Variants in COG5 observed in about 807,000 individuals in gnomAD.
The protein encoded by COG5 is component of oligomeric golgi complex 5.
In COG5, 86 loss-of-function variants were observed where a neutral mutation model predicts 110.4. That is an observed-to-expected ratio of 0.78 (90% confidence interval 0.65 to 0.93). COG5 has a LOEUF of 0.93. Among genes scored for constraint, COG5 ranks in the 40% least tolerant of loss-of-function variants. The pLI is 0.00. For missense variants in COG5, 1,077 were observed against 987.0 expected (o/e 1.09, Z -1.22); for synonymous variants, 360 against 334.6 (o/e 1.08, Z -0.83).
chr7:107,472,317 C>CA (rs1796682031), intron 6 of COG5: 1 of 151,700 alleles, frequency 6.6e-6, no homozygotes, highest in Admixed American at 6.6e-5. Flanking sequence ...AAATTCATGT[C>CA]AAAATCTGTC....
intron 17 of COG5, among the ~76,000 whole-genome samples, chr7:107,242,632 T>C (rs1801732818): frequency 6.6e-6 from 1 of 152,174 alleles, no homozygotes; most frequent in Non-Finnish European, 1.5e-5. Context: ...AGACCCTAAG[T>C]ACCTTATCCA....
chr7:107,412,738 T>C (rs1792402842), intron 6 of COG5, 106 bp from the exon 7 acceptor site: 1 of 719,512 alleles, frequency 1.4e-6, no homozygotes, highest in Admixed American at 2.9e-5. Context: ...AAAACGCTAT[T>C]AAACAGGGTT....
intron 12 of COG5, 69 bp downstream of exon 12, chr7:107,298,073 T>C (rs905128908): frequency 1.7e-5 from 12 of 692,934 alleles, no homozygotes; most frequent in African/African-American, 1.5e-4. Context: ...AAAATAAAAA[T>C]AAAAGATAAA....
intron 6 of COG5, among the ~76,000 whole-genome samples, chr7:107,493,931 GA>G (rs1207237179): frequency 6.6e-6 from 1 of 151,980 alleles, no homozygotes; most frequent in African/African-American, 2.4e-5. Flanking sequence ...TAAATAGCTA[GA>G]AAAATAATAA....
At chr7:107,242,510 G>C (rs1359394183) in intron 17 of COG5, among the ~76,000 whole-genome samples, 1 of 152,258 alleles carries the variant, frequency 6.6e-6, no homozygotes, top group Non-Finnish European at 1.5e-5. Flanking sequence ...TATCAAGCCA[G>C]TAGCAACTCA....
intron 14 of COG5, among the ~76,000 whole-genome samples, chr7:107,272,981 T>C (rs1476652303): frequency 6.6e-6 from 1 of 151,970 alleles, no homozygotes; most frequent in African/African-American, 2.4e-5. Context: ...TTAGTTTGCA[T>C]CCTAATTTTT....
At chr7:107,512,093 AG>A (rs1799560710) in intron 6 of COG5, among the ~76,000 whole-genome samples, 1 of 152,250 alleles carries the variant, frequency 6.6e-6, no homozygotes, top group Non-Finnish European at 1.5e-5. Flanking sequence ...TTAGGAAAAT[AG>A]GAAGCCAAAT....
intron 8 of COG5, among the ~76,000 whole-genome samples, chr7:107,365,628 G>C (rs1383129659): frequency 1.0e-5 from 1 of 95,448 alleles, no homozygotes. Context: ...AAAAAGAAAA[G>C]CTGAAGGAAA....
chr7:107,460,499 T>C (rs1484115168), intron 6 of COG5, among the ~76,000 whole-genome samples: 2 of 151,358 alleles, frequency 1.3e-5, no homozygotes, highest in Non-Finnish European at 2.9e-5. Context: ...AAATAAAACA[T>C]CCAAAGTTGT....
intron 14 of COG5, among the ~76,000 whole-genome samples, chr7:107,272,323 C>G (rs1804345176): frequency 2.0e-5 from 3 of 152,208 alleles, no homozygotes. Flanking sequence ...TACCTGTGAT[C>G]TGGAAGCCCC....
intron 8 of COG5, 61 bp from the exon 9 acceptor site, chr7:107,362,481 A>G (rs1813212916): frequency 1.0e-6 from 1 of 961,978 alleles, no homozygotes; most frequent in East Asian, 2.6e-5. Context: ...ATATATATAT[A>G]TATGTTATTA....
At chr7:107,290,640 A>G (rs1232935476) in intron 12 of COG5, among the ~76,000 whole-genome samples, 1 of 152,168 alleles carries the variant, frequency 6.6e-6, no homozygotes, top group Non-Finnish European at 1.5e-5. Context: ...TAAATCAAGG[A>G]AAGTATTTTG....
chr7:107,404,728 T>G (rs946360246), intron 7 of COG5, among the ~76,000 whole-genome samples: 42 of 151,756 alleles, frequency 2.8e-4, no homozygotes, highest in African/African-American at 9.9e-4. Context: ...GATAAGGTTC[T>G]AAGAAAATAA....
chr7:107,221,080 G>C (rs1799889643), intron 19 of COG5, among the ~76,000 whole-genome samples: 2 of 152,052 alleles, frequency 1.3e-5, no homozygotes, highest in Non-Finnish European at 2.9e-5. Flanking sequence ...GCCTCCCAAA[G>C]TGCTGGAATT....
At position 107,515,450 on chromosome 7, in the gene COG5, A is replaced by T. The variant is rs538849659; in HGVS notation, c.538+11787T>A. ...TAACAATTCTGTTTTCACAAGTGGGATTAGTAGAGAATCGTTCTAACATTC... is the reference window on the plus strand; with the variant it reads ...TAACAATTCTGTTTTCACAAGTGGGTTTAGTAGAGAATCGTTCTAACATTC... On this transcript the variant is annotated intron_variant, in intron 6 of 21. Coordinates refer to ENST00000297135, the MANE Select transcript of COG5 (RefSeq NM_006348.5). Among the ~76,000 whole-genome samples, 17 of 152,332 alleles carry T rather than the reference A, an allele frequency of 1.1e-4. No homozygotes were observed. In the East Asian group the frequency reaches 3.3e-3, roughly 29 times the overall value.
chr7:107,412,467 T>C, intron 7 of COG5, 35 bp downstream of exon 7: 2 of 1,598,180 alleles, frequency 1.3e-6, no homozygotes, highest in Middle Eastern at 1.7e-4. Flanking sequence ...TTATGACACA[T>C]TTTTTACATT....
At chr7:107,312,031 T>C (rs996726373) in intron 11 of COG5, among the ~76,000 whole-genome samples, 9 of 152,250 alleles carry the variant, frequency 5.9e-5, no homozygotes, top group East Asian at 1.9e-4. Flanking sequence ...GGATTTTTTT[T>C]TTCTGTGAAC....
At chr7:107,416,449 T>C (rs1309348218) in intron 6 of COG5, among the ~76,000 whole-genome samples, 1 of 152,108 alleles carries the variant, frequency 6.6e-6, no homozygotes, top group African/African-American at 2.4e-5. Flanking sequence ...CTAAATGATA[T>C]ATTATTTGGG....
intron 15 of COG5, 44 bp downstream of exon 15, chr7:107,258,229 A>G: frequency 8.5e-7 from 1 of 1,183,052 alleles, no homozygotes. Flanking sequence ...TTGAGGCAAG[A>G]AGAATTTAAA....
Sources: gnomAD v4.1 joint callset for allele counts (sites outside exome capture counted in the v4.1 genomes callset) on GRCh38, gnomAD v4.1.1 for gene constraint, MANE v1.5 for transcripts, NCBI Gene and HGNC (gene_info 2026-07-23, HGNC 2026-07-21) for gene names.